FCRL3: variants seen among roughly 807,000 people sequenced by gnomAD.
The protein encoded by FCRL3 is Fc receptor-like protein 3.
FCRL3 carries 89 observed loss-of-function variants against 75.0 expected under a neutral mutation model. That is an observed-to-expected ratio of 1.19 (90% CI 1.00 to 1.42). The LOEUF (loss-of-function observed/expected upper bound fraction) is 1.42. Ranked by LOEUF, FCRL3 falls within the 40% of genes most tolerant of loss-of-function variation. The pLI is 0.00. For missense variants in FCRL3, 946 were observed against 880.0 expected, an observed-to-expected ratio of 1.07 and a Z score of -0.95; for synonymous variants, 376 against 348.5, an observed-to-expected ratio of 1.08 and a Z score of -0.88.
chr1:157,697,685 G>A lies in FCRL3; in HGVS notation c.533C>T (p.Ser178Leu). 6.2e-7 allele frequency: 1 copy of A among 1,613,838 alleles called. No homozygotes were observed. Among genetic ancestry groups the A allele is most frequent in the Non-Finnish European group, 8.5e-7 (1 of 1,179,938 alleles). ...KFYILDIEVT[S>L]KPLNIQVQEL... is the part of the protein sequence containing the mutation. ...TTGAACTTGGATATTTAGGGGTTTTGAAGTTACTTCAATGTCAAGTATGTA... is the reference window on the plus strand; with the variant it reads ...TTGAACTTGGATATTTAGGGGTTTTAAAGTTACTTCAATGTCAAGTATGTA... Residue 178 changes from serine to leucine, a missense_variant, in exon 5 of 15, where the codon TCA becomes TTA. Transcript: ENST00000368184.
Position 157,678,934 on chromosome 1 carries a change from TGA to T in FCRL3, c.2058+6_2058+7del. 1 of 1,614,172 alleles carries T rather than the reference TGA, an allele frequency of 6.2e-7. No individual in the cohort carries two copies. Among genetic ancestry groups the T allele is most frequent in the Non-Finnish European group, 8.5e-7 (1 of 1,180,020 alleles). ...AGAGAGGAAAGAAAGCCAAGAAATG[TGA>T]CTCACCTCATGCTCTTGATGCATCA... On this transcript the variant is annotated splice_donor_region_variant and intron_variant, in intron 14 of 14. Coordinates refer to ENST00000368184, the MANE Select transcript of FCRL3 (RefSeq NM_052939.4).
At chr1:157,687,772 G>A (rs946074190) in intron 10 of FCRL3, among the ~76,000 whole-genome samples, 1 of 151,582 alleles carries the variant, frequency 6.6e-6, no homozygotes, top group Non-Finnish European at 1.5e-5. Context: ...AACAGACACT[G>A]TGGACTACTA....
Position 157,690,122 on chromosome 1 carries a change from C to A in FCRL3, c.1690+133G>T, listed in dbSNP as rs1180780771. 3 of 1,336,662 alleles carry A rather than the reference C, an allele frequency of 2.2e-6. No individual in the cohort carries two copies. In the African/African-American group the frequency reaches 4.4e-5, roughly 20 times the overall value. 82.8% of individuals were successfully genotyped at this position (1,336,662 alleles called of 1,614,324 possible). On this transcript the variant is annotated intron_variant, in intron 9 of 14. Transcript: ENST00000368184. ...TCCCTCTCCCATATAAAATCAGTACCAATCTCCAGAAGTCCCAAGCCTTCG... is the reference window on the plus strand; with the variant it reads ...TCCCTCTCCCATATAAAATCAGTACAAATCTCCAGAAGTCCCAAGCCTTCG...
rs1490214671 is a variant in FCRL3 at position 157,690,298 on chromosome 1, G to A, written c.1647C>T (p.Gly549=). 6.2e-7 allele frequency: 1 copy of A among 1,614,246 alleles called. No homozygotes were observed. Among genetic ancestry groups the A allele is most frequent in the Non-Finnish European group, 8.5e-7 (1 of 1,180,052 alleles). ...SGNYSCEADN[G]LGAQHSKVVT... ...CCACTTTACTGTGCTGGGCCCCCAGGCCATTGTCAGCCTCACATGAGTAGT... is the reference window on the plus strand; with the variant it reads ...CCACTTTACTGTGCTGGGCCCCCAGACCATTGTCAGCCTCACATGAGTAGT... The change falls in exon 9 of 15, where the codon GGC becomes GGT. Residue 549 remains glycine, a synonymous_variant. Coordinates refer to ENST00000368184, the MANE Select transcript of FCRL3 (RefSeq NM_052939.4).
chr1:157,689,667 G>T, intron 10 of FCRL3, 131 bp downstream of exon 10: 1 of 1,192,546 alleles, frequency 8.4e-7, no homozygotes, highest in Non-Finnish European at 1.2e-6. Flanking sequence ...CCTACAGAGT[G>T]ACAGTGAGTA....
Position 157,696,203 on chromosome 1 carries a change from G to A in FCRL3, c.969C>T (p.His323=), listed in dbSNP as rs779416617. ...QGSGTVTFSW[H]KEGRVRSLGR... is the part of the protein sequence containing the mutation. ...CCAGGCTTCTTACTCTTCCTTCTTT[G>A]TGCCAGGAGAATGTGACAGTCCCTG... Residue 323 remains histidine, a synonymous_variant, in exon 7 of 15, where the codon CAC becomes CAT. Coordinates refer to ENST00000368184, the MANE Select transcript of FCRL3 (RefSeq NM_052939.4). The A allele has an allele frequency of 1.9e-6, 3 of 1,613,926 alleles. No individual in the cohort carries two copies. The East Asian group carries it at 6.7e-5, about 36-fold the overall frequency.
Position 157,678,699 on chromosome 1 carries a change from T to C in FCRL3, c.*11A>G, listed in dbSNP as rs1331674895. ...GCAGGCTGTTTCCTGTGGGCCACTC[T>C]GGGTAAGGGGCTAGTGGTCTGAGGC... On this transcript the variant is annotated 3_prime_UTR_variant, in exon 15 of 15. Transcript: ENST00000368184. 1.2e-5 allele frequency: 20 copies of C among 1,612,628 alleles called. No homozygotes were observed. Among genetic ancestry groups the C allele is most frequent in the Non-Finnish European group, 1.7e-5 (20 of 1,179,880 alleles).
intron 4 of FCRL3, 121 bp from the exon 5 acceptor site, chr1:157,698,040 T>A (rs1326094925): frequency 5.2e-6 from 6 of 1,162,690 alleles, no homozygotes; most frequent in African/African-American, 4.6e-5. Context: ...CCCACCCACA[T>A]TGCCATGTGG....
intron 6 of FCRL3, 108 bp downstream of exon 6, chr1:157,697,032 G>A: frequency 2.7e-6 from 3 of 1,098,306 alleles, no homozygotes; most frequent in Non-Finnish European, 3.6e-6. Flanking sequence ...TACCAGAATA[G>A]CTGGACACTC....
At position 157,677,906 on chromosome 1, in the gene FCRL3, G is replaced by T; in HGVS notation, c.*804C>A. On this transcript the variant is annotated 3_prime_UTR_variant, in exon 15 of 15. Transcript: ENST00000368184. ...TGGAGTGAGGTAGAGGAAGAGAATG[G>T]GAGAAGCCACATAGATATAGTAGGT... 7 of 960,870 alleles carry T rather than the reference G, an allele frequency of 7.3e-6. No homozygotes were observed. The highest frequency in any genetic ancestry group is 7.4e-6 in the Non-Finnish European group (6 of 808,112). The allele number at this position is 960,870 out of a possible 1,614,324, so 59.5% of individuals were successfully genotyped here. A position where few individuals can be genotyped will look rare whatever the true frequency, so the allele number is the denominator to read the frequency against.
intron 10 of FCRL3, among the ~76,000 whole-genome samples, chr1:157,687,744 G>A (rs753899009): frequency 8.6e-5 from 13 of 151,328 alleles, no homozygotes; most frequent in Admixed American, 1.3e-4. Context: ...GAGCAAACAT[G>A]GACATAAACA....
intron 9 of FCRL3, 109 bp downstream of exon 9, chr1:157,690,146 C>G (rs564220441): frequency 6.9e-7 from 1 of 1,439,586 alleles, no homozygotes; most frequent in Admixed American, 2.2e-5. Context: ...CCCAAGCCTT[C>G]GTGTGCATGT....
In FCRL3 at chr1:157,697,812, C is replaced by T; in HGVS notation, c.406G>A (p.Asp136Asn). ...KNTHQKVYYKDGKQLPNSYNL... is the reference protein window; with the variant it reads ...KNTHQKVYYKNGKQLPNSYNL... ...TAACTATTAGGAAGCTGTTTTCCATCCTTGTAGTAAACCTTTTGATGAGTG... is the reference window on the plus strand; with the variant it reads ...TAACTATTAGGAAGCTGTTTTCCATTCTTGTAGTAAACCTTTTGATGAGTG... Residue 136 changes from aspartate to asparagine, a missense_variant, in exon 5 of 15, where the codon GAT becomes AAT. Transcript: ENST00000368184. The T allele has an allele frequency of 1.2e-6, 2 of 1,614,150 alleles. No individual in the cohort carries two copies.
intron 10 of FCRL3, 71 bp downstream of exon 10, chr1:157,689,727 G>A: frequency 6.3e-7 from 1 of 1,599,890 alleles, no homozygotes; most frequent in South Asian, 1.1e-5. Flanking sequence ...CCTTTATAGG[G>A]TGCACCAGAC....
At chr1:157,680,572 C>T in intron 13 of FCRL3, 130 bp downstream of exon 13, 1 of 700,720 alleles carries the variant, frequency 1.4e-6, no homozygotes, top group South Asian at 1.8e-5. Context: ...GATTCTACAG[C>T]TGACACTATG....
chr1:157,691,681 A>AG (rs1491526568), intron 8 of FCRL3: 1 of 152,204 alleles, frequency 6.6e-6, no homozygotes, highest in Non-Finnish European at 1.5e-5. Context: ...AGAGGGCCTC[A>AG]GGGGTGAGTC....
Position 157,690,428 on chromosome 1 carries a change from A to T in FCRL3, c.1517T>A (p.Ile506Asn), listed in dbSNP as rs750783956. ...ATCCTCGTGATAAAACCAGTACAGG[A>T]TCGGGAAGGAGCCTCTCAGGGACTC... ...HCESLRGSFP[I>N]LYWFYHEDDT... is the part of the protein sequence containing the mutation. The change falls in exon 9 of 15, where the codon ATC (isoleucine) becomes AAC (asparagine). Residue 506 changes from isoleucine to asparagine, a missense_variant. By Grantham distance (149) the Ile-to-Asn change is moderately radical. Transcript: ENST00000368184. The T allele has an allele frequency of 2.5e-6, 4 of 1,614,250 alleles. No individual in the cohort carries two copies. Among genetic ancestry groups the T allele is most frequent in the Admixed American group, 1.7e-5 (1 of 60,034 alleles).
In FCRL3 at chr1:157,678,324, G is replaced by T; in HGVS notation, c.*386C>A. 1 of 1,016,600 alleles carries T rather than the reference G, an allele frequency of 9.8e-7. No individual in the cohort carries two copies. Among genetic ancestry groups the T allele is most frequent in the Non-Finnish European group, 1.2e-6 (1 of 849,346 alleles). The allele number at this position is 1,016,600 out of a possible 1,614,324, so 63.0% of individuals were successfully genotyped here. A position where few individuals can be genotyped will look rare whatever the true frequency, so the allele number is the denominator to read the frequency against. On this transcript the variant is annotated 3_prime_UTR_variant, in exon 15 of 15. Transcript: ENST00000368184. ...CACAAAAAAGGGAAACAAAATATTT[G>T]GAGCAAATTGTTTATACAGAGAGCA...
In FCRL3 at chr1:157,698,407, G is replaced by A. The variant is rs759492847; in HGVS notation, c.275C>T (p.Ala92Val). 3 of 1,614,156 alleles carry A rather than the reference G, an allele frequency of 1.9e-6. No homozygotes were observed. The highest frequency in any genetic ancestry group is 2.5e-6 in the Non-Finnish European group (3 of 1,179,998). Residue 92 changes from alanine (A) to valine (V), a missense_variant, in exon 4 of 15, where the codon GCC becomes GTC. Coordinates refer to ENST00000368184, the MANE Select transcript of FCRL3 (RefSeq NM_052939.4). ...CKTRGSSLSD[A>V]VHVEFSPDWL... The stretch of plus-strand genomic sequence containing the variant: ...ACCAGGTGAAAATTCCACATGCACG[G>A]CATCACTGAGGGAGGATCCTCGGGT...
Sources: gnomAD v4.1 joint callset for allele counts (sites outside exome capture counted in the v4.1 genomes callset) on GRCh38, gnomAD v4.1.1 for gene constraint, MANE v1.5 for transcripts, NCBI Gene and HGNC (gene_info 2026-07-23, HGNC 2026-07-21) for gene names.